ATMIN: variants seen among roughly 807,000 people sequenced by gnomAD.
ATMIN encodes the protein ATM INteracting protein.
A neutral mutation model predicts 49.2 loss-of-function variants in ATMIN; 24 were observed. The observed-to-expected ratio is 0.49, with a 90% CI of 0.35 to 0.69. The LOEUF (loss-of-function observed/expected upper bound fraction) is 0.69, where lower values mean the gene tolerates loss of function less well. ATMIN is among the 30% of genes least tolerant of loss of function. ATMIN has a pLI of 0.00. For synonymous variants in ATMIN, 450 were observed against 392.5 expected (o/e 1.15, Z -1.73); for missense variants, 1,037 against 1,005.5 (o/e 1.03, Z -0.42).
Position 81,044,836 on chromosome 16 carries a change from T to C in ATMIN, c.2338T>C (p.Phe780Leu). ...GTTTGAAACCCTGGGGAGCTTGTTC[T>C]TCACCAGCAACGAAACTCAGACAGC... Reference protein sequence around the residue: ...SGFETLGSLFFTSNETQTAMD... With the variant: ...SGFETLGSLFLTSNETQTAMD... The change falls in exon 4 of 4, where the codon TTC becomes CTC. Residue 780 changes from phenylalanine (F) to leucine (L), a missense_variant. Coordinates refer to ENST00000299575, the MANE Select transcript of ATMIN (RefSeq NM_015251.3). 2 of 1,614,218 alleles carry C rather than the reference T, an allele frequency of 1.2e-6. No individual in the cohort carries two copies. The highest frequency in any genetic ancestry group is 1.3e-5 in the African/African-American group (1 of 75,058).
intron 1 of ATMIN, chr16:81,037,346 T>C (rs1028189380): frequency 1.0e-6 from 1 of 985,338 alleles, no homozygotes; most frequent in Non-Finnish European, 1.2e-6. Context: ...CAGAAAACTC[T>C]GAGGTTGTAG....
chr16:81,036,402 G>C (rs968480600), intron 1 of ATMIN, among the ~76,000 whole-genome samples, 196 bp downstream of exon 1: 7 of 151,920 alleles, frequency 4.6e-5, no homozygotes, highest in South Asian at 4.1e-4. Flanking sequence ...GCGGCCTCTG[G>C]GGGGGAGGAG....
intron 2 of ATMIN, chr16:81,041,767 T>G (rs1004128407): frequency 3.5e-6 from 1 of 281,868 alleles, no homozygotes; most frequent in African/African-American, 2.2e-5. Flanking sequence ...TGTGTGAGTC[T>G]GCATACCTCC....
intron 1 of ATMIN, 91 bp downstream of exon 1, chr16:81,036,297 G>T (rs1970931132): frequency 1.8e-6 from 2 of 1,083,182 alleles, no homozygotes; most frequent in Admixed American, 5.1e-5. Flanking sequence ...TCGGGGGGAC[G>T]AGCGCCCTGC....
Position 81,035,879 on chromosome 16 carries a change from C to T in ATMIN, c.9C>T (p.Ala3=), listed in dbSNP as rs1970916888. 3.1e-6 allele frequency: 3 copies of T among 953,866 alleles called. No individual in the cohort carries two copies. Among genetic ancestry groups the T allele is most frequent in the Admixed American group, 6.3e-5 (1 of 15,898 alleles). The allele number at this position is 953,866 out of a possible 1,614,324, so 59.1% of individuals were successfully genotyped here. A position where few individuals can be genotyped will look rare whatever the true frequency, so the allele number is the denominator to read the frequency against. Residue 3 remains alanine (A), a synonymous_variant, in exon 1 of 4, where the codon GCC becomes GCT. Transcript: ENST00000299575. MA[A]SEAAAAAGSA... ...GCGGCCGTGCGGGAGCCATGGCGGC[C>T]TCGGAGGCGGCGGCGGCGGCGGGGT...
rs746244993 is a variant in ATMIN at position 81,041,453 on chromosome 16, C to T, written c.434C>T (p.Pro145Leu). The change falls in exon 2 of 4, where the codon CCG (proline) becomes CTG (leucine). Residue 145 changes from proline (P) to leucine (L), a missense_variant. Pro to Leu is a moderately conservative substitution (Grantham distance 98, BLOSUM62 -3). Coordinates refer to ENST00000299575, the MANE Select transcript of ATMIN (RefSeq NM_015251.3). ...IEGCPRGPER[P>L]FSQFSLVKQH... ...GGCTGCCCCAGAGGCCCTGAGAGAC[C>T]GTTTTCTCAGTTTTCTCTCGTAAAA... is the stretch of plus-strand genomic sequence containing the variant. The T allele has an allele frequency of 9.9e-6, 16 of 1,609,808 alleles. No individual in the cohort carries two copies. Among genetic ancestry groups the T allele is most frequent in the East Asian group, 2.2e-5 (1 of 44,854 alleles).
rs1269038225 is a variant in ATMIN at position 81,043,520 on chromosome 16, T to C, written c.1022T>C (p.Val341Ala). 1.2e-6 allele frequency: 2 copies of C among 1,614,158 alleles called. No homozygotes were observed. The highest frequency in any genetic ancestry group is 8.5e-7 in the Non-Finnish European group (1 of 1,180,036). The stretch of plus-strand genomic sequence containing the variant: ...GATCAGGGCTCTGCCACAGGGGCTG[T>C]GCACTTAATGCCCTTGTCAGTAGGA... ...GVDQGSATGA[V>A]HLMPLSVGTL... Residue 341 changes from valine to alanine, a missense_variant, in exon 4 of 4, where the codon GTG (valine) becomes GCG (alanine). Transcript: ENST00000299575.
intron 1 of ATMIN, chr16:81,041,011 T>A (rs1295917768): frequency 8.9e-6 from 2 of 225,390 alleles, no homozygotes; most frequent in African/African-American, 4.6e-5. Flanking sequence ...ACTGACGATG[T>A]GTTTGAAATG....
Position 81,045,005 on chromosome 16 carries a change from T to C in ATMIN, c.*35T>C, listed in dbSNP as rs1367187701. The C allele has an allele frequency of 1.9e-6, 3 of 1,584,830 alleles. No homozygotes were observed. The highest frequency in any genetic ancestry group is 2.7e-5 in the African/African-American group (2 of 73,926). On this transcript the variant is annotated 3_prime_UTR_variant, in exon 4 of 4. Transcript: ENST00000299575. ...TGGAGTCCATGTGTGAAATGGCATC[T>C]ACCATTTCCTCTGGATTAAAACTAC...
intron 1 of ATMIN, among the ~76,000 whole-genome samples, chr16:81,037,894 C>G (rs1970972276): frequency 6.6e-6 from 1 of 152,140 alleles, no homozygotes; most frequent in South Asian, 2.1e-4. Flanking sequence ...CCCACCTCAG[C>G]CTCTTAAAGT....
In ATMIN at chr16:81,036,176, C is replaced by T; in HGVS notation, c.306C>T (p.Asn102=). ...GKILPNSPAL[N]MHLVKSHRLQ... is the part of the protein sequence containing the mutation. The stretch of plus-strand genomic sequence containing the variant: ...TCCTGCCCAACAGCCCCGCGCTCAA[C>T]ATGCACCTAGTCAAGAGCCACCGCC... The change falls in exon 1 of 4, where the codon AAC becomes AAT. Residue 102 remains asparagine (N), a synonymous_variant. Coordinates refer to ENST00000299575, the MANE Select transcript of ATMIN (RefSeq NM_015251.3). The T allele has an allele frequency of 1.4e-6, 2 of 1,471,502 alleles. No individual in the cohort carries two copies. The highest frequency in any genetic ancestry group is 1.8e-6 in the Non-Finnish European group (2 of 1,105,828). 91.2% of individuals were successfully genotyped at this position (1,471,502 alleles called of 1,614,324 possible). A position where few individuals can be genotyped will look rare whatever the true frequency, so the allele number is the denominator to read the frequency against.
intron 3 of ATMIN, among the ~76,000 whole-genome samples, chr16:81,042,769 C>A (rs995234695): frequency 2.0e-5 from 3 of 152,110 alleles, no homozygotes; most frequent in African/African-American, 7.2e-5. Flanking sequence ...CAGAGGGAAC[C>A]AAACTGCCAA....
At position 81,035,860 on chromosome 16, in the gene ATMIN, G is replaced by T. The variant is rs1031750485; in HGVS notation, c.-11G>T. On this transcript the variant is annotated 5_prime_UTR_variant, in exon 1 of 4. Coordinates refer to ENST00000299575, the MANE Select transcript of ATMIN (RefSeq NM_015251.3). The stretch of plus-strand genomic sequence containing the variant: ...GGCCTACGAACTGGGCCGGGCGGCC[G>T]TGCGGGAGCCATGGCGGCCTCGGAG... 248 of 856,498 alleles carry T rather than the reference G, an allele frequency of 2.9e-4. No homozygotes were observed. The highest frequency in any genetic ancestry group is 1.8e-3 in the Middle Eastern group (3 of 1,706). The allele number at this position is 856,498 out of a possible 1,614,324, so 53.1% of individuals were successfully genotyped here. A position where few individuals can be genotyped will look rare whatever the true frequency, so the allele number is the denominator to read the frequency against.
chr16:81,036,838 A>G (rs1244064560), intron 1 of ATMIN, among the ~76,000 whole-genome samples: 2 of 152,226 alleles, frequency 1.3e-5, no homozygotes, highest in African/African-American at 2.4e-5. Flanking sequence ...GCACCCCATC[A>G]GTAGGAATAA....
At position 81,044,854 on chromosome 16, in the gene ATMIN, C is replaced by T. The variant is rs768078526; in HGVS notation, c.2356C>T (p.Gln786Ter). 4.3e-6 allele frequency: 7 copies of T among 1,614,198 alleles called. No homozygotes were observed. In the South Asian group the frequency reaches 5.5e-5, roughly 13 times the overall value. Residue 786 changes from glutamine (Q) to a stop codon, truncating the protein, a stop_gained, in exon 4 of 4, where the codon CAG (glutamine) becomes TAG (stop). Coordinates refer to ENST00000299575, the MANE Select transcript of ATMIN (RefSeq NM_015251.3). LOFTEE classifies it high-confidence loss of function. ...CTTGTTCTTCACCAGCAACGAAACT[C>T]AGACAGCAATGGATGACTTTCTTCT... Reference protein sequence around the residue: ...GSLFFTSNETQTAMDDFLLAD... With the variant: ...GSLFFTSNET
At position 81,047,087 on chromosome 16, in the gene ATMIN, C is replaced by T. The variant is rs555958051; in HGVS notation, c.*2117C>T. The T allele has an allele frequency of 6.6e-6, 1 of 152,570 alleles. No homozygotes were observed. The highest frequency in any genetic ancestry group is 2.4e-5 in the African/African-American group (1 of 41,508). 9.5% of individuals were successfully genotyped at this position (152,570 alleles called of 1,614,324 possible). A position where few individuals can be genotyped will look rare whatever the true frequency, so the allele number is the denominator to read the frequency against. ...GATCTATGGCTTAAAAAATTTGTTT[C>T]TGTGACAATGTTTGTAAATCTAGCC... On this transcript the variant is annotated 3_prime_UTR_variant, in exon 4 of 4. Transcript: ENST00000299575.
intron 3 of ATMIN, 30 bp from the exon 4 acceptor site, chr16:81,043,131 G>A (rs773440635): frequency 1.9e-6 from 3 of 1,566,182 alleles, no homozygotes; most frequent in Non-Finnish European, 2.6e-6. Flanking sequence ...GTATTTTAAG[G>A]TTTTCTTTTT....
intron 3 of ATMIN, 106 bp from the exon 4 acceptor site, chr16:81,043,055 C>T: frequency 1.5e-6 from 2 of 1,345,300 alleles, no homozygotes; most frequent in Non-Finnish European, 2.0e-6. Flanking sequence ...TTGAACATGA[C>T]CTCTGCTATA....
intron 3 of ATMIN, 40 bp downstream of exon 3, chr16:81,042,520 T>A: frequency 6.3e-7 from 1 of 1,590,900 alleles, no homozygotes; most frequent in Non-Finnish European, 8.6e-7. Context: ...TCAGTAGCTA[T>A]GGGAAGCATT....
Sources: gnomAD v4.1 joint callset for allele counts (sites outside exome capture counted in the v4.1 genomes callset) on GRCh38, gnomAD v4.1.1 for gene constraint, MANE v1.5 for transcripts, NCBI Gene and HGNC (gene_info 2026-07-23, HGNC 2026-07-21) for gene names.